The following DNAH14 variants were observed in gnomAD, a reference collection of about 807,000 sequenced individuals.
DNAH14 encodes the protein axonemal beta dynein heavy chain 14.
Under a neutral mutation model 520.9 loss-of-function variants are expected in DNAH14, and 478 were observed. The ratio of observed to expected loss-of-function variants is 0.92; its 90% CI spans 0.85 to 0.99. The LOEUF is 0.99. DNAH14 is among the 50% of genes least tolerant of loss of function. The probability of loss-of-function intolerance (pLI) is 0.00; values close to 1 mark genes in which losing one functional copy is unlikely to be tolerated. For missense variants in DNAH14, 4,831 were observed against 5,234.5 expected, an observed-to-expected ratio of 0.92 and a Z score of 2.38; for synonymous variants, 1,581 against 1,757.2, an observed-to-expected ratio of 0.90 and a Z score of 2.51.
chr1:224,970,877 A>C (rs2501145), intron 7 of DNAH14, among the ~76,000 whole-genome samples: 273 of 152,236 alleles, frequency 1.8e-3, no homozygotes, highest in African/African-American at 6.0e-3. Context: ...ATTTATTGAG[A>C]GTCTGTTAAG....
chr1:225,297,340 AT>A (rs35923591), intron 55 of DNAH14, among the ~76,000 whole-genome samples: 13,993 of 150,538 alleles, frequency 0.093, 840 homozygotes, highest in Middle Eastern at 0.14. Flanking sequence ...ATTCTTTTAC[AT>A]TTTTTTTCTG....
At chr1:225,171,782 C>G (rs565216245) in intron 36 of DNAH14, among the ~76,000 whole-genome samples, 90 of 152,282 alleles carry the variant, frequency 5.9e-4, no homozygotes, top group Non-Finnish European at 8.8e-4. Flanking sequence ...AGGCCAGCAT[C>G]ATCCTGATAC....
chr1:225,329,159 A>C (rs17521900), intron 64 of DNAH14, among the ~76,000 whole-genome samples: 20,855 of 152,158 alleles, frequency 0.14, 1,657 homozygotes, highest in South Asian at 0.26. Context: ...ATTACTTCTC[A>C]AACAACTGTT....
chr1:225,176,511 G>A (rs2083352272), intron 36 of DNAH14, among the ~76,000 whole-genome samples: 1 of 152,118 alleles, frequency 6.6e-6, no homozygotes, highest in African/African-American at 2.4e-5. Context: ...GTCTATATGA[G>A]TTATCCATTG....
intron 23 of DNAH14, among the ~76,000 whole-genome samples, chr1:225,116,203 A>C (rs1016496646): frequency 6.6e-6 from 1 of 152,218 alleles, no homozygotes; most frequent in Non-Finnish European, 1.5e-5. Flanking sequence ...GAGATTCTCC[A>C]GTCAGGCAGA....
chr1:225,296,509 G>GTTT (rs71281019), intron 55 of DNAH14, among the ~76,000 whole-genome samples: 6,717 of 137,776 alleles, frequency 0.049, 250 homozygotes, highest in Non-Finnish European at 0.075. Context: ...GTGGTGGGTG[G>GTTT]TTTTTTTTTT....
At chr1:225,111,456 T>C (rs935353848) in intron 23 of DNAH14, among the ~76,000 whole-genome samples, 2 of 152,148 alleles carry the variant, frequency 1.3e-5, no homozygotes, top group African/African-American at 4.8e-5. Flanking sequence ...CTATTCTTGC[T>C]CTTTTTTGGT....
chr1:225,346,058 C>A lies in DNAH14; in HGVS notation c.10775C>A (p.Ala3592Asp). ...ISKRIEATKK[A>D]ESEIQAIRKN... ...AAGCGCATCGAAGCAACAAAAAAAG[C>A]TGAAAGTGAAATCCAAGCAATACGT... The change falls in exon 70 of 86, where the codon GCT (alanine) becomes GAT (aspartate). Residue 3592 changes from alanine to aspartate, a missense_variant. Coordinates refer to ENST00000682510, the MANE Select transcript of DNAH14 (RefSeq NM_001367479.1). 1 of 1,551,606 alleles carries A rather than the reference C, an allele frequency of 6.4e-7. No homozygotes were observed. Among genetic ancestry groups the A allele is most frequent in the Non-Finnish European group, 8.7e-7 (1 of 1,146,956 alleles).
chr1:225,325,485 CA>C (rs59895242), intron 64 of DNAH14, among the ~76,000 whole-genome samples: 248 of 139,256 alleles, frequency 1.8e-3, no homozygotes, highest in South Asian at 2.5e-3. Context: ...AACTCCATCT[CA>C]AAAAAAAAAA....
At chr1:225,020,903 C>G (rs1160221671) in intron 10 of DNAH14, among the ~76,000 whole-genome samples, 4 of 152,100 alleles carry the variant, frequency 2.6e-5, no homozygotes, top group African/African-American at 9.7e-5. Flanking sequence ...CACAGACACA[C>G]AAATTATCAA....
chr1:225,217,628 C>A (rs969548529), intron 41 of DNAH14, among the ~76,000 whole-genome samples: 7 of 152,222 alleles, frequency 4.6e-5, no homozygotes, highest in Non-Finnish European at 8.8e-5. Flanking sequence ...AGCCTCACTG[C>A]CACCTTGCAG....
chr1:225,281,736 T>A lies in DNAH14; in HGVS notation c.8271+4234T>A, dbSNP rs2093630811. Among the ~76,000 whole-genome samples, 4 of 151,838 alleles carry A rather than the reference T, an allele frequency of 2.6e-5. No individual in the cohort carries two copies. The South Asian group carries it at 8.3e-4, about 32-fold the overall frequency. On this transcript the variant is annotated intron_variant, in intron 54 of 85. Coordinates refer to ENST00000682510, the MANE Select transcript of DNAH14 (RefSeq NM_001367479.1). ...ACAAAAGAGGAGGGAGGAAATGGAG[T>A]TATGTTGAAGAAAACTGTCTATATT...
At chr1:225,353,486 G>A (rs1241869202) in intron 72 of DNAH14, among the ~76,000 whole-genome samples, 1 of 152,110 alleles carries the variant, frequency 6.6e-6, no homozygotes, top group Non-Finnish European at 1.5e-5. Context: ...AGGTTATGAT[G>A]TGTTGGCTGG....
At chr1:225,117,275 A>G (rs1044795184) in intron 23 of DNAH14, among the ~76,000 whole-genome samples, 1 of 151,952 alleles carries the variant, frequency 6.6e-6, no homozygotes, top group Admixed American at 6.6e-5. Flanking sequence ...AACCACACCT[A>G]TAGGGAAATA....
intron 61 of DNAH14, among the ~76,000 whole-genome samples, chr1:225,320,620 T>G (rs2094540660): frequency 6.6e-6 from 1 of 152,242 alleles, no homozygotes; most frequent in Admixed American, 6.5e-5. Flanking sequence ...TAGTCCATTC[T>G]CTTCCCAAGC....
intron 11 of DNAH14, among the ~76,000 whole-genome samples, chr1:225,038,210 T>G (rs942168136): frequency 6.6e-6 from 1 of 152,200 alleles, no homozygotes; most frequent in Non-Finnish European, 1.5e-5. Flanking sequence ...AAGACATTTT[T>G]GCCAGATGTA....
chr1:225,003,631 A>G (rs2063935903), intron 9 of DNAH14, among the ~76,000 whole-genome samples: 1 of 152,122 alleles, frequency 6.6e-6, no homozygotes, highest in African/African-American at 2.4e-5. Flanking sequence ...GTGTAATGAC[A>G]GATACATAGT....
chr1:225,270,779 G>T lies in DNAH14; in HGVS notation c.7584G>T (p.Val2528=), dbSNP rs956633009. Residue 2528 remains valine (V), a synonymous_variant, in exon 50 of 86, where the codon GTG becomes GTT. Transcript: ENST00000682510. The part of the protein sequence containing the change: ...LSIVAACVPV[V]NDISPRLLKH... Reference sequence around the variant, plus strand: ...TAGTTGCAGCTTGTGTTCCAGTTGTGAATGATATCAGCCCACGTCTTCTCA... The same window carrying T: ...TAGTTGCAGCTTGTGTTCCAGTTGTTAATGATATCAGCCCACGTCTTCTCA... The T allele has an allele frequency of 1.9e-6, 3 of 1,551,170 alleles. No homozygotes were observed. In the African/African-American group the frequency reaches 4.1e-5, roughly 21 times the overall value.
chr1:225,216,976 C>T (rs375451785), intron 41 of DNAH14, among the ~76,000 whole-genome samples: 2 of 152,254 alleles, frequency 1.3e-5, no homozygotes, highest in South Asian at 2.1e-4. Flanking sequence ...GGAGAAGAGG[C>T]GCTCTGATTT....
Sources: allele counts gnomAD v4.1 joint callset (sites outside exome capture counted in the v4.1 genomes callset), GRCh38; gene constraint gnomAD v4.1.1; transcripts MANE v1.5; gene names NCBI Gene and HGNC (gene_info 2026-07-23, HGNC 2026-07-21).